Variants in ARHGAP42 observed in about 807,000 individuals in gnomAD.
ARHGAP42 encodes rho GTPase-activating protein 42.
In ARHGAP42, 63 loss-of-function variants were observed where a neutral mutation model predicts 125.0. The ratio of observed to expected loss-of-function variants is 0.50; its 90% CI spans 0.41 to 0.62. The LOEUF is 0.62. ARHGAP42 is among the 20% of genes least tolerant of loss of function. The probability of loss-of-function intolerance (pLI) is 0.00; values close to 1 mark genes in which losing one functional copy is unlikely to be tolerated. For missense variants in ARHGAP42, 766 were observed against 1,024.2 expected (o/e 0.75, Z 3.44); for synonymous variants, 339 against 351.0 (o/e 0.97, Z 0.38).
chr11:100,713,286 T>A (rs1049406114), intron 1 of ARHGAP42, among the ~76,000 whole-genome samples: 1 of 152,222 alleles, frequency 6.6e-6, no homozygotes, highest in East Asian at 1.9e-4. Context: ...GTCCTTATTG[T>A]CTTTGAAGTC....
At chr11:100,782,720 A>G (rs911558419) in intron 2 of ARHGAP42, among the ~76,000 whole-genome samples, 1 of 152,128 alleles carries the variant, frequency 6.6e-6, no homozygotes, top group African/African-American at 2.4e-5. Context: ...AGAATTCAGG[A>G]TAGTTGGTGA....
intron 17 of ARHGAP42, among the ~76,000 whole-genome samples, chr11:100,971,810 G>A (rs1022847340): frequency 6.6e-6 from 1 of 151,928 alleles, no homozygotes; most frequent in Non-Finnish European, 1.5e-5. Context: ...ACCTAACATG[G>A]GTTGTTATAT....
intron 4 of ARHGAP42, among the ~76,000 whole-genome samples, chr11:100,910,254 A>C (rs1788763313): frequency 6.6e-6 from 1 of 152,186 alleles, no homozygotes; most frequent in South Asian, 2.1e-4. Context: ...ATAGACATAT[A>C]GTAAGTAACG....
intron 4 of ARHGAP42, among the ~76,000 whole-genome samples, chr11:100,891,969 G>A (rs1204524099): frequency 6.6e-6 from 1 of 152,144 alleles, no homozygotes; most frequent in Admixed American, 6.6e-5. Flanking sequence ...AAGAGCATAG[G>A]CATAGTAGGC....
chr11:100,944,912 A>G (rs1591312799), intron 10 of ARHGAP42, among the ~76,000 whole-genome samples: 2 of 152,054 alleles, frequency 1.3e-5, no homozygotes, highest in East Asian at 1.9e-4. Flanking sequence ...TGAGACAGCA[A>G]TAAAGTTTGC....
At chr11:100,852,461 G>A (rs1300462770) in intron 3 of ARHGAP42, among the ~76,000 whole-genome samples, 1 of 152,072 alleles carries the variant, frequency 6.6e-6, no homozygotes, top group Non-Finnish European at 1.5e-5. Context: ...AAGATACTTA[G>A]TAGGGAATAC....
intron 4 of ARHGAP42, among the ~76,000 whole-genome samples, chr11:100,869,243 GT>G (rs1457426971): frequency 4.6e-5 from 7 of 151,890 alleles, no homozygotes. Context: ...AAAGTAGAAG[GT>G]ATCATCATTT....
intron 3 of ARHGAP42, among the ~76,000 whole-genome samples, chr11:100,849,625 C>A (rs1865156865): frequency 6.6e-6 from 1 of 151,722 alleles, no homozygotes; most frequent in East Asian, 1.9e-4. Context: ...ATTAAATTTG[C>A]TGGCTTATTC....
intron 18 of ARHGAP42, among the ~76,000 whole-genome samples, chr11:100,974,183 G>C (rs1299232302): frequency 6.6e-6 from 1 of 152,162 alleles, no homozygotes; most frequent in Admixed American, 6.5e-5. Flanking sequence ...GGTGGAAAGA[G>C]AGTATTACAA....
chr11:100,861,648 T>C (rs970667100), intron 4 of ARHGAP42, among the ~76,000 whole-genome samples: 5 of 152,200 alleles, frequency 3.3e-5, no homozygotes, highest in African/African-American at 1.2e-4. Flanking sequence ...GTTTCGGGAA[T>C]GTCCCTCTGG....
chr11:100,861,490 G>A (rs1403936194), intron 4 of ARHGAP42, among the ~76,000 whole-genome samples: 2 of 152,166 alleles, frequency 1.3e-5, no homozygotes, highest in African/African-American at 4.8e-5. Context: ...CAGACTACCT[G>A]GGCAAACCAG....
chr11:100,775,175 C>T (rs1254155106), intron 2 of ARHGAP42, among the ~76,000 whole-genome samples: 1 of 152,168 alleles, frequency 6.6e-6, no homozygotes, highest in African/African-American at 2.4e-5. Flanking sequence ...CTATTGAGTC[C>T]ATCCACATAA....
intron 3 of ARHGAP42, among the ~76,000 whole-genome samples, chr11:100,833,213 G>T (rs1864702829): frequency 6.6e-6 from 1 of 152,140 alleles, no homozygotes. Flanking sequence ...AAATAAATAG[G>T]ACCAATTTGT....
chr11:100,917,849 G>A (rs756721358), intron 5 of ARHGAP42, among the ~76,000 whole-genome samples: 2 of 152,168 alleles, frequency 1.3e-5, no homozygotes, highest in Admixed American at 6.6e-5. Context: ...TGGGATTATA[G>A]GCATGAGCTC....
At chr11:100,961,060 G>C in intron 14 of ARHGAP42, 71 bp downstream of exon 14, 1 of 980,044 alleles carries the variant, frequency 1.0e-6, no homozygotes, top group Non-Finnish European at 1.5e-6. Flanking sequence ...GGACTTCTTT[G>C]ACTAGTGCTT....
intron 3 of ARHGAP42, among the ~76,000 whole-genome samples, chr11:100,814,305 C>T (rs1055060434): frequency 6.9e-6 from 1 of 145,382 alleles, no homozygotes; most frequent in African/African-American, 2.6e-5. Context: ...TGCAGTGAGC[C>T]AAGATCGAGA....
At chr11:100,687,860 A>C in intron 1 of ARHGAP42, 28 bp downstream of exon 1, 1 of 1,532,004 alleles carries the variant, frequency 6.5e-7, no homozygotes. Context: ...GGGAGTGGAC[A>C]CCCGCATCTG....
chr11:100,836,766 C>T (rs2135103507), intron 3 of ARHGAP42, among the ~76,000 whole-genome samples: 2 of 122,376 alleles, frequency 1.6e-5, no homozygotes, highest in South Asian at 2.8e-4. Flanking sequence ...TGAAAGACCT[C>T]AAAATATACA....
chr11:100,739,652 C>A (rs1862139879), intron 1 of ARHGAP42, among the ~76,000 whole-genome samples: 1 of 152,096 alleles, frequency 6.6e-6, no homozygotes, highest in Non-Finnish European at 1.5e-5. Context: ...TGTATCTATA[C>A]TTTGTTTCTC....
Sources: gnomAD v4.1 joint callset for allele counts (sites outside exome capture counted in the v4.1 genomes callset) on GRCh38, gnomAD v4.1.1 for gene constraint, MANE v1.5 for transcripts, NCBI Gene and HGNC (gene_info 2026-07-23, HGNC 2026-07-21) for gene names.